COL22A1: variants seen among roughly 807,000 people sequenced by gnomAD.
The protein encoded by COL22A1 is collagen type XXII alpha 1 chain.
Under a neutral mutation model 248.9 loss-of-function variants are expected in COL22A1, and 221 were observed. The ratio of observed to expected loss-of-function variants is 0.89; its 90% CI spans 0.80 to 0.99. COL22A1 has a LOEUF of 0.99. Among genes scored for constraint, COL22A1 ranks in the 50% least tolerant of loss-of-function variants. The probability of loss-of-function intolerance (pLI) is 0.00; values close to 1 mark genes in which losing one functional copy is unlikely to be tolerated. For synonymous variants in COL22A1, 891 were observed against 793.4 expected, an observed-to-expected ratio of 1.12 and a Z score of -2.07; for missense variants, 2,240 against 2,179.0, an observed-to-expected ratio of 1.03 and a Z score of -0.56.
chr8:138,844,077 C>T lies in COL22A1; in HGVS notation c.733+7G>A, dbSNP rs760632733. 36 of 1,613,104 alleles carry T rather than the reference C, an allele frequency of 2.2e-5. No individual in the cohort carries two copies. Among genetic ancestry groups the T allele is most frequent in the Non-Finnish European group, 2.3e-5 (27 of 1,179,036 alleles). ...GCAAGCACACGTGGTTATTGTTTTT[C>T]CCTTACCTGTGATTTCCTTGGTTCC... On this transcript the variant is annotated splice_region_variant and intron_variant, in intron 4 of 64. Coordinates refer to ENST00000303045, the MANE Select transcript of COL22A1 (RefSeq NM_152888.3).
intron 52 of COL22A1, among the ~76,000 whole-genome samples, chr8:138,621,460 T>A (rs182831841): frequency 6.6e-6 from 1 of 152,158 alleles, no homozygotes; most frequent in Non-Finnish European, 1.5e-5. Flanking sequence ...ACCTCCTAAA[T>A]ACTCTACCTG....
intron 49 of COL22A1, among the ~76,000 whole-genome samples, chr8:138,632,566 T>C (rs568545002): frequency 2.0e-5 from 3 of 152,348 alleles, no homozygotes; most frequent in South Asian, 4.1e-4. Flanking sequence ...AATTGTTGCA[T>C]ACTTTTATCA....
intron 63 of COL22A1, 107 bp from the exon 64 acceptor site, chr8:138,591,608 A>C (rs10106999): frequency 1.3e-6 from 1 of 781,734 alleles, no homozygotes; most frequent in Non-Finnish European, 1.9e-6. Context: ...CTGCTGTGGC[A>C]TTCCAGTCTA....
chr8:138,629,543 A>T (rs191083775), intron 50 of COL22A1, among the ~76,000 whole-genome samples: 217 of 152,266 alleles, frequency 1.4e-3, no homozygotes, highest in African/African-American at 3.9e-3. Flanking sequence ...CCAGATGAGG[A>T]TCCTAAACAG....
rs539563045 is a variant in COL22A1 at position 138,666,281 on chromosome 8, A to G, written c.3151-2541T>C. On this transcript the variant is annotated intron_variant, in intron 41 of 64. Coordinates refer to ENST00000303045, the MANE Select transcript of COL22A1 (RefSeq NM_152888.3). The stretch of plus-strand genomic sequence containing the variant: ...GGGAGGTCTGGCTAGGGAAACAGAG[A>G]TGAATGAATAACTCACACCTGCATA... 5.9e-5 allele frequency among the ~76,000 whole-genome samples: 9 copies of G among 152,318 alleles called. No individual in the cohort carries two copies. In the South Asian group the frequency reaches 1.9e-3, roughly 32 times the overall value.
chr8:138,683,190 A>G (rs1017475563), intron 39 of COL22A1, among the ~76,000 whole-genome samples: 1 of 152,212 alleles, frequency 6.6e-6, no homozygotes, highest in Non-Finnish European at 1.5e-5. Context: ...GGAGGTCCTG[A>G]AACACATGAT....
At chr8:138,606,151 C>G (rs1359180303) in intron 58 of COL22A1, among the ~76,000 whole-genome samples, 1 of 152,196 alleles carries the variant, frequency 6.6e-6, no homozygotes, top group African/African-American at 2.4e-5. Flanking sequence ...GGTTATGACA[C>G]TTTCCTAAGA....
intron 1 of COL22A1, 78 bp from the exon 2 acceptor site, chr8:138,883,322 G>A (rs2063351584): frequency 1.3e-6 from 1 of 764,576 alleles, no homozygotes; most frequent in Non-Finnish European, 2.1e-6. Flanking sequence ...CCCTGCCCAG[G>A]GGGATTCCCT....
At chr8:138,748,048 G>A (rs1373935427) in intron 22 of COL22A1, among the ~76,000 whole-genome samples, 1 of 152,176 alleles carries the variant, frequency 6.6e-6, no homozygotes, top group Non-Finnish European at 1.5e-5. Flanking sequence ...TGCAGAGGCA[G>A]GATGCCTTCT....
chr8:138,789,035 C>T (rs765893809), intron 12 of COL22A1, among the ~76,000 whole-genome samples: 13 of 152,156 alleles, frequency 8.5e-5, no homozygotes, highest in Non-Finnish European at 1.6e-4. Flanking sequence ...TTCAGGAGTC[C>T]AGCATTTACC....
At chr8:138,817,986 G>A (rs1818811258) in intron 7 of COL22A1, among the ~76,000 whole-genome samples, 1 of 152,136 alleles carries the variant, frequency 6.6e-6, no homozygotes, top group Non-Finnish European at 1.5e-5. Context: ...GCTAAAGTTG[G>A]CACTTATTTT....
chr8:138,826,597 C>A, intron 6 of COL22A1, 61 bp downstream of exon 6: 1 of 1,571,416 alleles, frequency 6.4e-7, no homozygotes, highest in Non-Finnish European at 8.7e-7. Context: ...GTGGTGCCAT[C>A]CACTGTGAGA....
rs971656356 is a variant in COL22A1, at chr8:138,877,920, G to A, written c.488C>T (p.Ala163Val). 5 of 1,606,958 alleles carry A rather than the reference G, an allele frequency of 3.1e-6. No homozygotes were observed. In the South Asian group the frequency reaches 3.3e-5, roughly 11 times the overall value. The change falls in exon 3 of 65, where the codon GCG becomes GTG. Residue 163 changes from alanine (A) to valine (V), a missense_variant. By Grantham distance (64) the Ala-to-Val change is moderately conservative (BLOSUM62 0). Transcript: ENST00000303045. ...RSQDLVLDAA[A>V]AAHRAGIRIF... Reference sequence around the variant, plus strand: ...GCGGATGCCAGCGCGGTGGGCTGCCGCCGCGGCGTCCAGCACCAGGTCCTG... The same window carrying A: ...GCGGATGCCAGCGCGGTGGGCTGCCACCGCGGCGTCCAGCACCAGGTCCTG...
In COL22A1 at chr8:138,750,462, G is replaced by A. The variant is rs149692599; in HGVS notation, c.2085+996C>T. ...AGAGCAGGCCACCCCCTTTCAGAAC[G>A]GAGGATGTGAACTGTGATGGGGAGG... is the stretch of plus-strand genomic sequence containing the variant. On this transcript the variant is annotated intron_variant, in intron 22 of 64. Coordinates refer to ENST00000303045, the MANE Select transcript of COL22A1 (RefSeq NM_152888.3). 4.5e-3 allele frequency among the ~76,000 whole-genome samples: 681 copies of A among 152,302 alleles called. 4 individuals carry two copies. Among genetic ancestry groups the A allele is most frequent in the South Asian group, 0.025 (120 of 4,824 alleles).
At chr8:138,883,575 G>A (rs1450099801) in intron 1 of COL22A1, among the ~76,000 whole-genome samples, 1 of 152,178 alleles carries the variant, frequency 6.6e-6, no homozygotes, top group Non-Finnish European at 1.5e-5. Flanking sequence ...CTCCCTCTCT[G>A]GAATCCCCAC....
chr8:138,879,828 A>G (rs76323955), intron 2 of COL22A1, among the ~76,000 whole-genome samples: 7,004 of 137,220 alleles, frequency 0.051, 584 homozygotes, highest in African/African-American at 0.18. Context: ...AGGCACAAAC[A>G]TTTGGCTATA....
At chr8:138,904,631 T>C (rs1261823348) in intron 1 of COL22A1, among the ~76,000 whole-genome samples, 1 of 151,948 alleles carries the variant, frequency 6.6e-6, no homozygotes, top group East Asian at 1.9e-4. Context: ...CCCCCACCAG[T>C]CCCCCACTTA....
intron 1 of COL22A1, among the ~76,000 whole-genome samples, chr8:138,892,902 T>C (rs920246780): frequency 2.0e-5 from 3 of 152,186 alleles, no homozygotes; most frequent in African/African-American, 7.2e-5. Flanking sequence ...GATGTGTTGC[T>C]GGGGTGATGG....
intron 63 of COL22A1, 136 bp from the exon 64 acceptor site, chr8:138,591,637 C>T (rs549059428): frequency 1.9e-6 from 1 of 532,018 alleles, no homozygotes; most frequent in African/African-American, 2.0e-5. Context: ...TGAGCACACA[C>T]ACTCATGCCG....
Sources: gnomAD v4.1 joint callset for allele counts (sites outside exome capture counted in the v4.1 genomes callset) on GRCh38, gnomAD v4.1.1 for gene constraint, MANE v1.5 for transcripts, NCBI Gene and HGNC (gene_info 2026-07-23, HGNC 2026-07-21) for gene names.